The following PDS5B variants were observed in gnomAD, a reference collection of about 807,000 sequenced individuals.
The protein encoded by PDS5B is sister chromatid cohesion protein PDS5 homolog B.
PDS5B carries 51 observed loss-of-function variants against 184.1 expected under a neutral mutation model. The observed-to-expected ratio is 0.28, with a 90% CI of 0.22 to 0.35. PDS5B has a LOEUF of 0.35. Among genes scored for constraint, PDS5B ranks in the 10% least tolerant of loss-of-function variants. The pLI, the probability that PDS5B is intolerant of heterozygous loss-of-function variation, is 1.00. For missense variants in PDS5B, 1,180 were observed against 1,723.3 expected, an observed-to-expected ratio of 0.68 and a Z score of 5.58; for synonymous variants, 566 against 569.2, an observed-to-expected ratio of 0.99 and a Z score of 0.08.
At chr13:32,674,694 A>G (rs1951020526) in intron 8 of PDS5B, among the ~76,000 whole-genome samples, 1 of 152,000 alleles carries the variant, frequency 6.6e-6, no homozygotes, top group Non-Finnish European at 1.5e-5. Flanking sequence ...CATAAGAGAT[A>G]CAAACAGCGT....
chr13:32,608,087 T>C (rs1275049355), intron 1 of PDS5B, among the ~76,000 whole-genome samples: 1 of 152,168 alleles, frequency 6.6e-6, no homozygotes, highest in African/African-American at 2.4e-5. Flanking sequence ...ACCCGGTACC[T>C]CAGTTGGAAA....
intron 19 of PDS5B, among the ~76,000 whole-genome samples, chr13:32,715,784 G>A (rs911553510): frequency 3.3e-5 from 5 of 150,852 alleles, no homozygotes; most frequent in Admixed American, 1.3e-4. Flanking sequence ...TCAGCCTGCC[G>A]AGTGCCTGCG....
intron 24 of PDS5B, among the ~76,000 whole-genome samples, chr13:32,752,212 A>G (rs1399350974): frequency 6.6e-6 from 1 of 152,202 alleles, no homozygotes; most frequent in East Asian, 1.9e-4. Context: ...AACATTTATT[A>G]TATAGTATAT....
At chr13:32,595,435 C>T (rs1366817541) in intron 1 of PDS5B, among the ~76,000 whole-genome samples, 1 of 152,086 alleles carries the variant, frequency 6.6e-6, no homozygotes, top group East Asian at 1.9e-4. Context: ...CCTAGACTCC[C>T]ACAAAAGTTT....
chr13:32,599,868 T>G (rs1273097706), intron 1 of PDS5B, among the ~76,000 whole-genome samples: 1 of 152,032 alleles, frequency 6.6e-6, no homozygotes, highest in Non-Finnish European at 1.5e-5. Context: ...TGAGCCGAGA[T>G]CGTGCCAGTG....
chr13:32,693,351 C>G (rs1209541762), intron 13 of PDS5B, among the ~76,000 whole-genome samples: 1 of 151,718 alleles, frequency 6.6e-6, no homozygotes, highest in Non-Finnish European at 1.5e-5. Context: ...TTCAGGTGTC[C>G]CAAATTTGAA....
intron 19 of PDS5B, among the ~76,000 whole-genome samples, chr13:32,711,092 A>C (rs867545199): frequency 4.0e-5 from 6 of 151,896 alleles, no homozygotes; most frequent in Non-Finnish European, 7.4e-5. Context: ...TCCCAGGTTC[A>C]AGCGATTCTC....
At chr13:32,716,254 A>C (rs1952403482) in intron 19 of PDS5B, among the ~76,000 whole-genome samples, 1 of 151,204 alleles carries the variant, frequency 6.6e-6, no homozygotes, top group Admixed American at 6.6e-5. Context: ...CTAGGAAGTG[A>C]GGAGTGTCTC....
At chr13:32,628,757 ATTATTGGC>A (rs1221219557) in intron 1 of PDS5B, among the ~76,000 whole-genome samples, 1 of 146,834 alleles carries the variant, frequency 6.8e-6, no homozygotes, top group East Asian at 1.9e-4. Flanking sequence ...GTACATTAAT[ATTATTGGC>A]TAACACTGTT....
chr13:32,646,484 T>C, intron 1 of PDS5B, among the ~76,000 whole-genome samples: 1 of 151,368 alleles, frequency 6.6e-6, no homozygotes, highest in East Asian at 2.0e-4. Context: ...ATGGTATTGC[T>C]GTGAACATTT....
chr13:32,587,811 C>T (rs552908329), intron 1 of PDS5B, among the ~76,000 whole-genome samples: 1 of 152,330 alleles, frequency 6.6e-6, no homozygotes, highest in East Asian at 1.9e-4. Context: ...CAGACTGATC[C>T]TACCCTGTTG....
chr13:32,695,538 G>A (rs968810713), intron 14 of PDS5B, among the ~76,000 whole-genome samples: 7 of 151,922 alleles, frequency 4.6e-5, no homozygotes, highest in African/African-American at 1.4e-4. Context: ...GGCCAGAGAT[G>A]TAAGAGTGTT....
chr13:32,693,692 G>A (rs933096108), intron 13 of PDS5B, among the ~76,000 whole-genome samples: 15 of 149,348 alleles, frequency 1.0e-4, no homozygotes, highest in Admixed American at 6.7e-4. Context: ...TATATTAAAC[G>A]ACATTATAAT....
intron 11 of PDS5B, among the ~76,000 whole-genome samples, chr13:32,685,840 A>G (rs1195726108): frequency 1.3e-5 from 2 of 151,794 alleles, no homozygotes; most frequent in South Asian, 2.1e-4. Context: ...GGGTCTCACT[A>G]TGTTGCCTAG....
chr13:32,723,204 T>G (rs1952778731), intron 19 of PDS5B, among the ~76,000 whole-genome samples: 2 of 152,186 alleles, frequency 1.3e-5, no homozygotes, highest in Admixed American at 6.5e-5. Flanking sequence ...CATTGTTGGT[T>G]GAAAAAAATG....
chr13:32,644,695 T>C (rs1209487286), intron 1 of PDS5B, among the ~76,000 whole-genome samples: 1 of 152,210 alleles, frequency 6.6e-6, no homozygotes, highest in Non-Finnish European at 1.5e-5. Context: ...ATCCTACTTA[T>C]CTCAGATAAA....
At chr13:32,611,278 T>C (rs1437651632) in intron 1 of PDS5B, among the ~76,000 whole-genome samples, 5 of 152,146 alleles carry the variant, frequency 3.3e-5, no homozygotes, top group Non-Finnish European at 1.5e-5. Context: ...CTTTCTTCAA[T>C]TAGTCACTAA....
intron 20 of PDS5B, 117 bp downstream of exon 20, chr13:32,732,341 A>G (rs933406459): frequency 1.4e-6 from 1 of 709,210 alleles, no homozygotes; most frequent in African/African-American, 1.8e-5. Flanking sequence ...TATTTTCAGA[A>G]TTTGAATCAG....
intron 19 of PDS5B, among the ~76,000 whole-genome samples, chr13:32,727,377 CATA>C (rs1200987517): frequency 6.6e-6 from 1 of 152,118 alleles, no homozygotes; most frequent in East Asian, 1.9e-4. Flanking sequence ...CTTTTACACA[CATA>C]ATAACCATTT....
Sources: gnomAD v4.1 joint callset for allele counts (sites outside exome capture counted in the v4.1 genomes callset) on GRCh38, gnomAD v4.1.1 for gene constraint, MANE v1.5 for transcripts, NCBI Gene and HGNC (gene_info 2026-07-23, HGNC 2026-07-21) for gene names.